TET1: variants seen among roughly 807,000 people sequenced by gnomAD.
TET1 encodes methylcytosine dioxygenase TET1.
In TET1, 13 loss-of-function variants were observed where a neutral mutation model predicts 148.7. The observed-to-expected ratio is 0.09, with a 90% CI of 0.06 to 0.14. The LOEUF is 0.14. Among genes scored for constraint, TET1 ranks in the 10% least tolerant of loss-of-function variants. TET1 has a pLI of 1.00. For synonymous variants in TET1, 907 were observed against 937.2 expected (o/e 0.97, Z 0.59); for missense variants, 2,182 against 2,553.8 (o/e 0.85, Z 3.14).
At chr10:68,613,702 C>T (rs1231864411) in intron 3 of TET1, among the ~76,000 whole-genome samples, 6 of 151,994 alleles carry the variant, frequency 3.9e-5, no homozygotes, top group African/African-American at 1.4e-4. Context: ...TTTGGGAGGC[C>T]GAGGCAGGTG....
chr10:68,571,750 C>T (rs2053672940), intron 1 of TET1, among the ~76,000 whole-genome samples: 1 of 152,088 alleles, frequency 6.6e-6, no homozygotes, highest in Non-Finnish European at 1.5e-5. Flanking sequence ...GTCTTGAACT[C>T]CTGGCCTCAA....
Position 68,692,501 on chromosome 10 carries a change from G to C in TET1, c.*687G>C, listed in dbSNP as rs1380523541. ...AAGAATCCTATTGTCTATTGTTTGT[G>C]CATATTTGCATACAAGAGAAATCAT... On this transcript the variant is annotated 3_prime_UTR_variant, in exon 12 of 12. Coordinates refer to ENST00000373644, the MANE Select transcript of TET1 (RefSeq NM_030625.3). 3.4e-5 allele frequency: 8 copies of C among 231,910 alleles called. No individual in the cohort carries two copies. Among genetic ancestry groups the C allele is most frequent in the Non-Finnish European group, 6.8e-5 (8 of 117,086 alleles). The allele number at this position is 231,910 out of a possible 1,614,324, so 14.4% of individuals were successfully genotyped here.
intron 11 of TET1, among the ~76,000 whole-genome samples, 184 bp downstream of exon 11, chr10:68,686,891 CTTT>C (rs777246216): frequency 2.1e-5 from 3 of 144,680 alleles, no homozygotes; most frequent in Non-Finnish European, 4.6e-5. Context: ...TCGACTTATC[CTTT>C]TTTTTTTTTT....
Position 68,672,961 on chromosome 10 carries a change from A to G in TET1, c.4740A>G (p.Ser1580=), listed in dbSNP as rs762067706. The change falls in exon 8 of 12, where the codon TCA becomes TCG. Residue 1580 remains serine (S), a synonymous_variant. Coordinates refer to ENST00000373644, the MANE Select transcript of TET1 (RefSeq NM_030625.3). ...GAGCTTCATTCTCTTTTGGCTGTTCATGGAGTATGTACTTTAATGGCTGTA... is the reference window on the plus strand; with the variant it reads ...GAGCTTCATTCTCTTTTGGCTGTTCGTGGAGTATGTACTTTAATGGCTGTA... The part of the protein sequence containing the change: ...TCGASFSFGC[S]WSMYFNGCKF... The G allele has an allele frequency of 6.2e-7, 1 of 1,612,732 alleles. No homozygotes were observed. Among genetic ancestry groups the G allele is most frequent in the East Asian group, 2.2e-5 (1 of 44,822 alleles).
At chr10:68,677,299 C>T (rs1263882407) in intron 8 of TET1, among the ~76,000 whole-genome samples, 1 of 152,112 alleles carries the variant, frequency 6.6e-6, no homozygotes, top group Non-Finnish European at 1.5e-5. Context: ...GGCATCCACC[C>T]TATAGTCCTG....
At chr10:68,615,363 T>TTTTTTTTTTTTTTA (rs2054276084) in intron 3 of TET1, among the ~76,000 whole-genome samples, 4 of 151,684 alleles carry the variant, frequency 2.6e-5, no homozygotes, top group Non-Finnish European at 4.4e-5. Context: ...TTTCTTTTTT[T>TTTTTTTTTTTTTTA]GAGATGGAGA....
At chr10:68,591,462 A>G (rs1460858927) in intron 2 of TET1, among the ~76,000 whole-genome samples, 1 of 152,248 alleles carries the variant, frequency 6.6e-6, no homozygotes, top group Non-Finnish European at 1.5e-5. Context: ...GCATCTGTGC[A>G]GTACAGGGTC....
At chr10:68,610,054 C>A (rs1423908645) in intron 3 of TET1, among the ~76,000 whole-genome samples, 2 of 152,048 alleles carry the variant, frequency 1.3e-5, no homozygotes, top group Non-Finnish European at 2.9e-5. Context: ...GAGGCCGAGA[C>A]AGGAGGATCA....
chr10:68,561,725 G>A (rs2795909), intron 1 of TET1, among the ~76,000 whole-genome samples: 3 of 146,032 alleles, frequency 2.1e-5, no homozygotes, highest in South Asian at 2.2e-4. Context: ...TCCGGTCCCC[G>A]CCTCTCTCGC....
chr10:68,646,775 C>T lies in TET1; in HGVS notation c.4046C>T (p.Ser1349Leu). ...GISHETPLPESALTLRNVNVV... is the reference protein window; with the variant it reads ...GISHETPLPELALTLRNVNVV... ...TCTCATGAAACACCCTTACCGGAGT[C>T]AGCACTAACTCTCAGGAATGTAAAT... Residue 1349 changes from serine to leucine, a missense_variant, in exon 4 of 12, where the codon TCA becomes TTA. Around this residue, in one of 11 missense-constraint regions of TET1, gnomAD observed 582 missense variants for 599.5 expected, o/e 0.97. Coordinates refer to ENST00000373644, the MANE Select transcript of TET1 (RefSeq NM_030625.3). The T allele has an allele frequency of 1.1e-5, 17 of 1,614,168 alleles. No homozygotes were observed. Among genetic ancestry groups the T allele is most frequent in the Non-Finnish European group, 1.4e-5 (17 of 1,180,050 alleles).
intron 3 of TET1, among the ~76,000 whole-genome samples, chr10:68,611,679 T>TTTTCTTTTCTTTTC (rs1564967415): frequency 3.8e-5 from 3 of 79,596 alleles, no homozygotes; most frequent in Non-Finnish European, 9.6e-5. Flanking sequence ...CTTTTCTTTC[T>TTTTCTTTTCTTTTC]TTTCTTTTCT....
At chr10:68,563,257 C>T (rs2053573607) in intron 1 of TET1, among the ~76,000 whole-genome samples, 1 of 152,174 alleles carries the variant, frequency 6.6e-6, no homozygotes, top group South Asian at 2.1e-4. Context: ...ACAGCTTTTA[C>T]ATGTGCCGAG....
At chr10:68,649,764 G>A (rs751187424) in intron 4 of TET1, among the ~76,000 whole-genome samples, 2 of 152,146 alleles carry the variant, frequency 1.3e-5, no homozygotes, top group Non-Finnish European at 2.9e-5. Context: ...TGTCTAGTTT[G>A]AAGACCCTTT....
chr10:68,678,404 TG>T (rs2055392188), intron 8 of TET1, among the ~76,000 whole-genome samples: 2 of 152,248 alleles, frequency 1.3e-5, no homozygotes, highest in South Asian at 4.1e-4. Context: ...ATGGTCTAAG[TG>T]GTAAGTATAG....
chr10:68,652,498 C>T lies in TET1; in HGVS notation c.4368-3C>T, dbSNP rs936986855. On this transcript the variant is annotated splice_polypyrimidine_tract_variant and splice_region_variant and intron_variant, in intron 5 of 11. Transcript: ENST00000373644. ...CATTCCCTTCACTGTGTTTTATACT[C>T]AGGTATGGTCAAAAAGGAAACGCAA... 3 of 1,600,700 alleles carry T rather than the reference C, an allele frequency of 1.9e-6. No homozygotes were observed. Among genetic ancestry groups the T allele is most frequent in the South Asian group, 1.1e-5 (1 of 88,396 alleles).
At chr10:68,600,539 T>C (rs1296486347) in intron 2 of TET1, among the ~76,000 whole-genome samples, 1 of 152,174 alleles carries the variant, frequency 6.6e-6, no homozygotes, top group Admixed American at 6.6e-5. Context: ...TGCATTGCCA[T>C]TGGCTGCACT....
intron 3 of TET1, among the ~76,000 whole-genome samples, chr10:68,644,146 G>A (rs760632522): frequency 2.0e-5 from 3 of 151,494 alleles, no homozygotes; most frequent in Admixed American, 6.6e-5. Context: ...CTTGTGATCC[G>A]CCCACCTTGG....
Position 68,611,300 on chromosome 10 carries a change from A to T in TET1, c.1968+10266A>T, listed in dbSNP as rs1001249074. 1.2e-3 allele frequency among the ~76,000 whole-genome samples: 178 copies of T among 152,174 alleles called. 2 individuals carry two copies. The highest frequency in any genetic ancestry group is 4.0e-3 in the African/African-American group (167 of 41,522). On this transcript the variant is annotated intron_variant, in intron 3 of 11. Transcript: ENST00000373644. ...AGCGAGACTCCTTCTCAAAAAAAAAAAAGTGACCTTTCCAAAAAATGTGGA... is the reference window on the plus strand; with the variant it reads ...AGCGAGACTCCTTCTCAAAAAAAAATAAGTGACCTTTCCAAAAAATGTGGA...
In TET1 at chr10:68,572,273, T is replaced by G; in HGVS notation, c.-66T>G. Reference sequence around the variant, plus strand: ...AGTGCATCCAGATTCTCCTCAGAAGTGAGACTTTCCAAAGGACCAATGACT... The same window carrying G: ...AGTGCATCCAGATTCTCCTCAGAAGGGAGACTTTCCAAAGGACCAATGACT... On this transcript the variant is annotated 5_prime_UTR_variant, in exon 2 of 12. Transcript: ENST00000373644. 10 of 1,394,452 alleles carry G rather than the reference T, an allele frequency of 7.2e-6. No homozygotes were observed. The highest frequency in any genetic ancestry group is 9.7e-6 in the Non-Finnish European group (10 of 1,035,530). 86.4% of individuals were successfully genotyped at this position (1,394,452 alleles called of 1,614,324 possible).
Sources: gnomAD v4.1 joint callset for allele counts (sites outside exome capture counted in the v4.1 genomes callset) on GRCh38, gnomAD v4.1.1 for gene constraint, gnomAD v4.1.1 regional missense constraint, MANE v1.5 for transcripts, NCBI Gene and HGNC (gene_info 2026-07-23, HGNC 2026-07-21) for gene names.